SRPK2: variants seen among roughly 807,000 people sequenced by gnomAD.
SRPK2 encodes SFRS protein kinase 2.
A neutral mutation model predicts 90.8 loss-of-function variants in SRPK2; 21 were observed. That is an observed-to-expected ratio of 0.23 (90% CI 0.16 to 0.33). The LOEUF (loss-of-function observed/expected upper bound fraction) is 0.33, where lower values mean the gene tolerates loss of function less well. Among genes scored for constraint, SRPK2 ranks in the 10% least tolerant of loss-of-function variants. The pLI is 1.00. For missense variants in SRPK2, 620 were observed against 869.0 expected (o/e 0.71, Z 3.60); for synonymous variants, 288 against 311.1 (o/e 0.93, Z 0.78).
intron 2 of SRPK2, among the ~76,000 whole-genome samples, chr7:105,335,799 A>G (rs1292625861): frequency 6.6e-6 from 1 of 151,946 alleles, no homozygotes; most frequent in African/African-American, 2.4e-5. Context: ...ACTAAAAAAA[A>G]CAAAAAATTA....
At position 105,388,916 on chromosome 7, in the gene SRPK2, G is replaced by A. The variant is rs1821999627; in HGVS notation, c.-110C>T. 6 of 1,212,070 alleles carry A rather than the reference G, an allele frequency of 5.0e-6. No individual in the cohort carries two copies. Among genetic ancestry groups the A allele is most frequent in the Non-Finnish European group, 6.1e-6 (6 of 978,262 alleles). The allele number at this position is 1,212,070 out of a possible 1,614,324, so 75.1% of individuals were successfully genotyped here. ...CGCCGGCCGGGAGGAGACGAGAACC[G>A]CGCCTGCGCCGCCGCCGCCGCCGCC... On this transcript the variant is annotated 5_prime_UTR_variant, in exon 1 of 16. Transcript: ENST00000393651.
chr7:105,170,967 G>GAAAGAAAGAAAGAA (rs66735717), intron 3 of SRPK2, among the ~76,000 whole-genome samples: 6,451 of 74,270 alleles, frequency 0.087, 906 homozygotes, highest in Middle Eastern at 0.1. Context: ...AAGAAAGAAA[G>GAAAGAAAGAAAGAA]AGAAAGAAAG....
intron 2 of SRPK2, among the ~76,000 whole-genome samples, chr7:105,268,282 T>C (rs956603452): frequency 8.5e-5 from 13 of 152,200 alleles, no homozygotes; most frequent in Non-Finnish European, 2.9e-5. Flanking sequence ...AGAAGCATCA[T>C]ATCTCTCTTA....
intron 3 of SRPK2, among the ~76,000 whole-genome samples, chr7:105,184,387 T>C (rs1353608460): frequency 6.6e-6 from 1 of 152,218 alleles, no homozygotes; most frequent in Non-Finnish European, 1.5e-5. Flanking sequence ...ACAAAATATA[T>C]GTTGTTATAA....
chr7:105,238,970 G>C (rs1332304777), intron 2 of SRPK2, among the ~76,000 whole-genome samples: 3 of 152,168 alleles, frequency 2.0e-5, no homozygotes, highest in African/African-American at 7.2e-5. Flanking sequence ...GGAGTCATTA[G>C]GCCGGGGCAG....
chr7:105,161,675 G>A (rs1807680021), intron 6 of SRPK2, among the ~76,000 whole-genome samples: 1 of 152,166 alleles, frequency 6.6e-6, no homozygotes, highest in African/African-American at 2.4e-5. Context: ...CAGAGCTCCA[G>A]TATCTCAAGT....
chr7:105,294,471 G>A (rs371679944), intron 2 of SRPK2, among the ~76,000 whole-genome samples: 1 of 152,078 alleles, frequency 6.6e-6, no homozygotes, highest in Non-Finnish European at 1.5e-5. Context: ...TGAAACGAAG[G>A]GAAAGCTATG....
intron 2 of SRPK2, among the ~76,000 whole-genome samples, chr7:105,368,116 T>G (rs1054305063): frequency 6.6e-6 from 1 of 152,230 alleles, no homozygotes; most frequent in African/African-American, 2.4e-5. Context: ...TTTCTATTAC[T>G]GGTCATGCCT....
At chr7:105,311,214 A>T (rs2131386023) in intron 2 of SRPK2, among the ~76,000 whole-genome samples, 1 of 152,294 alleles carries the variant, frequency 6.6e-6, no homozygotes, top group Non-Finnish European at 1.5e-5. Context: ...TAACCCAATT[A>T]AATAATAAGC....
chr7:105,343,299 T>C (rs1425432775), intron 2 of SRPK2, among the ~76,000 whole-genome samples: 1 of 152,120 alleles, frequency 6.6e-6, no homozygotes, highest in East Asian at 1.9e-4. Context: ...CCAGGTATGA[T>C]GGCACGTGCC....
intron 2 of SRPK2, among the ~76,000 whole-genome samples, chr7:105,354,359 C>T (rs1817550292): frequency 6.6e-6 from 1 of 152,176 alleles, no homozygotes; most frequent in African/African-American, 2.4e-5. Flanking sequence ...AGCTCATCCA[C>T]CCTGTACTCA....
At chr7:105,217,536 C>A (rs186067118) in intron 2 of SRPK2, among the ~76,000 whole-genome samples, 44 of 152,314 alleles carry the variant, frequency 2.9e-4, no homozygotes, top group Admixed American at 6.5e-4. Context: ...CCTGACAGAG[C>A]AGGACTAAAG....
chr7:105,373,694 C>T (rs972809563), intron 2 of SRPK2, among the ~76,000 whole-genome samples: 38 of 152,094 alleles, frequency 2.5e-4, no homozygotes, highest in African/African-American at 3.4e-4. Context: ...TGGGCCACCG[C>T]GCCTGGCTCA....
At chr7:105,233,371 C>T (rs967820588) in intron 2 of SRPK2, among the ~76,000 whole-genome samples, 3 of 152,124 alleles carry the variant, frequency 2.0e-5, no homozygotes, top group Non-Finnish European at 4.4e-5. Flanking sequence ...ACCTTAGTAA[C>T]AGCCAAGGGT....
At chr7:105,279,187 G>C (rs1172603919) in intron 2 of SRPK2, among the ~76,000 whole-genome samples, 4 of 152,070 alleles carry the variant, frequency 2.6e-5, no homozygotes, top group East Asian at 3.9e-4. Flanking sequence ...CTTTACAGTG[G>C]GGGTGCCAGA....
intron 2 of SRPK2, among the ~76,000 whole-genome samples, chr7:105,363,199 A>C (rs996041572): frequency 1.3e-5 from 2 of 151,810 alleles, no homozygotes; most frequent in Non-Finnish European, 2.9e-5. Flanking sequence ...AAAATAAATA[A>C]AAATAAATAA....
chr7:105,246,020 G>A (rs575391765), intron 2 of SRPK2, among the ~76,000 whole-genome samples: 1 of 152,190 alleles, frequency 6.6e-6, no homozygotes, highest in Non-Finnish European at 1.5e-5. Flanking sequence ...GCAGAGAGAG[G>A]ATAATGGCTC....
chr7:105,180,397 C>G (rs1000918505), intron 3 of SRPK2, among the ~76,000 whole-genome samples: 1 of 152,158 alleles, frequency 6.6e-6, no homozygotes, highest in African/African-American at 2.4e-5. Flanking sequence ...AACCGCACCC[C>G]TTCCTTACAC....
intron 2 of SRPK2, among the ~76,000 whole-genome samples, chr7:105,263,566 A>C (rs1585425238): frequency 6.6e-6 from 1 of 152,330 alleles, no homozygotes; most frequent in African/African-American, 2.4e-5. Flanking sequence ...TAATGTTCAA[A>C]ACAGATACAA....
Sources: gnomAD v4.1 joint callset for allele counts (sites outside exome capture counted in the v4.1 genomes callset) on GRCh38, gnomAD v4.1.1 for gene constraint, MANE v1.5 for transcripts, NCBI Gene and HGNC (gene_info 2026-07-23, HGNC 2026-07-21) for gene names.